DOCK2: variants seen among roughly 807,000 people sequenced by gnomAD.
DOCK2 encodes dedicator of cytokinesis 2.
Under a neutral mutation model 248.9 loss-of-function variants are expected in DOCK2, and 87 were observed. The observed-to-expected ratio is 0.35, with a 90% CI of 0.29 to 0.42. The LOEUF is 0.42. Among genes scored for constraint, DOCK2 ranks in the 10% least tolerant of loss-of-function variants. The pLI, the probability that DOCK2 is intolerant of heterozygous loss-of-function variation, is 1.00. For missense variants in DOCK2, 1,747 were observed against 2,300.2 expected (o/e 0.76, Z 4.92); for synonymous variants, 805 against 821.6 (o/e 0.98, Z 0.35).
At chr5:170,081,123 G>C (rs1390201327) in intron 50 of DOCK2, 2 of 152,448 alleles carry the variant, frequency 1.3e-5, no homozygotes, top group African/African-American at 2.4e-5. Context: ...CTGGGGCACT[G>C]AGAACATCAC....
chr5:169,637,458 G>A lies in DOCK2; in HGVS notation c.43+89G>A, dbSNP rs976319551. On this transcript the variant is annotated intron_variant, in intron 1 of 51. Transcript: ENST00000520908. ...GGATGCTGCGGGGCCGGCGGCGCGGGGTGGGCAGGGCGCGCTGCCTGCAGG... is the reference window on the plus strand; with the variant it reads ...GGATGCTGCGGGGCCGGCGGCGCGGAGTGGGCAGGGCGCGCTGCCTGCAGG... 1.7e-4 allele frequency: 215 copies of A among 1,268,646 alleles called. 1 individual carries two copies. In the East Asian group the frequency reaches 6.7e-3, roughly 40 times the overall value. 78.6% of individuals were successfully genotyped at this position (1,268,646 alleles called of 1,614,324 possible). A position where few individuals can be genotyped will look rare whatever the true frequency, so the allele number is the denominator to read the frequency against.
intron 29 of DOCK2, among the ~76,000 whole-genome samples, chr5:169,987,975 T>G (rs1169032384): frequency 6.6e-6 from 1 of 152,190 alleles, no homozygotes; most frequent in Non-Finnish European, 1.5e-5. Flanking sequence ...AGTTTCTATT[T>G]CATGAAAATT....
intron 27 of DOCK2, among the ~76,000 whole-genome samples, chr5:169,893,479 C>CTT (rs200833735): frequency 1.7e-3 from 242 of 143,010 alleles, no homozygotes; most frequent in South Asian, 0.016. Flanking sequence ...TTTTCTTACC[C>CTT]TTTTTTTTTT....
intron 27 of DOCK2, among the ~76,000 whole-genome samples, chr5:169,880,310 C>A (rs1772564213): frequency 6.6e-6 from 1 of 152,234 alleles, no homozygotes; most frequent in South Asian, 2.1e-4. Context: ...GTGCAAGCAC[C>A]TTCTGCCTTC....
chr5:170,044,584 GA>G (rs1453411316), intron 38 of DOCK2, among the ~76,000 whole-genome samples: 1 of 152,160 alleles, frequency 6.6e-6, no homozygotes, highest in African/African-American at 2.4e-5. Flanking sequence ...AGCCCAGGGG[GA>G]TTACCCCAAA....
At chr5:169,918,888 C>T (rs931902839) in intron 27 of DOCK2, among the ~76,000 whole-genome samples, 7 of 151,994 alleles carry the variant, frequency 4.6e-5, no homozygotes, top group East Asian at 1.9e-4. Flanking sequence ...CCAGCCCGGA[C>T]GACAGAGCAA....
chr5:170,070,936 A>G (rs1464123476), intron 46 of DOCK2, among the ~76,000 whole-genome samples: 6 of 152,220 alleles, frequency 3.9e-5, no homozygotes, highest in Admixed American at 6.5e-5. Context: ...CATGTACTCT[A>G]TTAGATGTGG....
At chr5:169,806,504 G>A (rs1581217194) in intron 26 of DOCK2, among the ~76,000 whole-genome samples, 1 of 151,828 alleles carries the variant, frequency 6.6e-6, no homozygotes, top group Non-Finnish European at 1.5e-5. Flanking sequence ...GGTCCCCGGT[G>A]AAACCCCATC....
At chr5:169,699,151 G>C (rs1181951192) in intron 11 of DOCK2, among the ~76,000 whole-genome samples, 1 of 152,152 alleles carries the variant, frequency 6.6e-6, no homozygotes, top group Non-Finnish European at 1.5e-5. Context: ...CATCTTCCTG[G>C]AGAATAAGAA....
intron 6 of DOCK2, 66 bp downstream of exon 6, chr5:169,674,511 C>T (rs1204988061): frequency 8.2e-6 from 13 of 1,577,910 alleles, no homozygotes; most frequent in Admixed American, 3.7e-5. Context: ...CCCTCTCTCC[C>T]CAGAAGCTTG....
chr5:170,046,911 T>A (rs1204158768), intron 39 of DOCK2, among the ~76,000 whole-genome samples: 2 of 152,160 alleles, frequency 1.3e-5, no homozygotes, highest in Non-Finnish European at 2.9e-5. Context: ...ATGCCATCGA[T>A]CATACACCAT....
chr5:169,689,106 A>G, intron 8 of DOCK2, 146 bp from the exon 9 acceptor site: 1 of 657,886 alleles, frequency 1.5e-6, no homozygotes, highest in Non-Finnish European at 2.6e-6. Context: ...GATCTCTCGG[A>G]GGGAAGGACC....
chr5:169,953,347 A>AAAG (rs1776743162), intron 27 of DOCK2, among the ~76,000 whole-genome samples: 1 of 150,962 alleles, frequency 6.6e-6, no homozygotes, highest in South Asian at 2.1e-4. Context: ...AAAAAAAAAA[A>AAAG]AGAGAGAGAG....
intron 2 of DOCK2, among the ~76,000 whole-genome samples, chr5:169,659,894 G>T (rs1758347222): frequency 6.6e-6 from 1 of 152,146 alleles, no homozygotes; most frequent in Admixed American, 6.5e-5. Context: ...ATATTTGATT[G>T]ACATCTTTCC....
At chr5:169,849,333 T>A (rs1382036657) in intron 27 of DOCK2, among the ~76,000 whole-genome samples, 1 of 152,198 alleles carries the variant, frequency 6.6e-6, no homozygotes, top group African/African-American at 2.4e-5. Context: ...CCACACAGCT[T>A]GTTAGTGGAA....
intron 27 of DOCK2, among the ~76,000 whole-genome samples, chr5:169,899,671 C>A (rs1262164065): frequency 6.6e-6 from 1 of 152,168 alleles, no homozygotes; most frequent in Non-Finnish European, 1.5e-5. Context: ...TCTCTACATA[C>A]CACGTTTTGT....
chr5:169,821,719 G>A (rs1019865010), intron 26 of DOCK2, among the ~76,000 whole-genome samples: 6 of 152,100 alleles, frequency 3.9e-5, no homozygotes, highest in Non-Finnish European at 8.8e-5. Context: ...CAACTAATGA[G>A]CAAAAACCAG....
At chr5:170,021,405 A>G (rs1305548520) in intron 33 of DOCK2, among the ~76,000 whole-genome samples, 1 of 152,192 alleles carries the variant, frequency 6.6e-6, no homozygotes, top group Non-Finnish European at 1.5e-5. Context: ...ACAGGTGTGC[A>G]AAAGAAACAC....
At chr5:169,973,998 T>C (rs1426686295) in intron 27 of DOCK2, among the ~76,000 whole-genome samples, 1 of 152,052 alleles carries the variant, frequency 6.6e-6, no homozygotes, top group Non-Finnish European at 1.5e-5. Flanking sequence ...GGGGGAGAGG[T>C]GGTGAGGTGG....
Sources: gnomAD v4.1 joint callset for allele counts (sites outside exome capture counted in the v4.1 genomes callset) on GRCh38, gnomAD v4.1.1 for gene constraint, MANE v1.5 for transcripts, NCBI Gene and HGNC (gene_info 2026-07-23, HGNC 2026-07-21) for gene names.